APPBP2: variants seen among roughly 807,000 people sequenced by gnomAD.
APPBP2 encodes amyloid protein-binding protein 2.
Under a neutral mutation model 76.0 loss-of-function variants are expected in APPBP2, and 15 were observed. The ratio of observed to expected loss-of-function variants is 0.20; its 90% CI spans 0.13 to 0.30. The LOEUF (loss-of-function observed/expected upper bound fraction) is 0.30, where lower values mean the gene tolerates loss of function less well. Ranked by LOEUF, APPBP2 falls within the 10% of genes least tolerant of loss-of-function variation. The probability of loss-of-function intolerance (pLI) is 1.00; values close to 1 mark genes in which losing one functional copy is unlikely to be tolerated. For synonymous variants in APPBP2, 222 were observed against 242.2 expected (o/e 0.92, Z 0.77); for missense variants, 401 against 687.2 (o/e 0.58, Z 4.66).
At chr17:60,492,971 G>A (rs910459905) in intron 3 of APPBP2, among the ~76,000 whole-genome samples, 3 of 152,250 alleles carry the variant, frequency 2.0e-5, no homozygotes, top group East Asian at 1.9e-4. Flanking sequence ...TAATTCCCAC[G>A]TGTTGTGGGA....
chr17:60,519,129 A>AT (rs538765568), intron 1 of APPBP2, among the ~76,000 whole-genome samples: 12,328 of 147,114 alleles, frequency 0.084, 1,642 homozygotes, highest in African/African-American at 0.29. Flanking sequence ...ACCTGAATAA[A>AT]TTTTTTTTTT....
intron 1 of APPBP2, among the ~76,000 whole-genome samples, chr17:60,519,390 T>C (rs73330240): frequency 6.6e-6 from 1 of 151,922 alleles, no homozygotes; most frequent in Non-Finnish European, 1.5e-5. Context: ...GAAGACTGCT[T>C]GAGGCTAAGG....
intron 4 of APPBP2, among the ~76,000 whole-genome samples, chr17:60,474,140 G>A (rs1015888583): frequency 1.3e-5 from 2 of 151,486 alleles, no homozygotes; most frequent in East Asian, 1.9e-4. Flanking sequence ...ATGACCTCCA[G>A]AATAATTCTA....
intron 4 of APPBP2, among the ~76,000 whole-genome samples, chr17:60,476,212 T>G (rs2143370324): frequency 6.6e-6 from 1 of 152,366 alleles, no homozygotes; most frequent in Middle Eastern, 3.4e-3. Context: ...AACTACTTTC[T>G]ATTAAGAAAG....
rs1598381421 is a variant in APPBP2, at chr17:60,525,653, T to C, written c.138+141A>G. 1.1e-5 allele frequency: 15 copies of C among 1,319,018 alleles called. No homozygotes were observed. The South Asian group carries it at 2.0e-4, about 17-fold the overall frequency. The allele number at this position is 1,319,018 out of a possible 1,614,324, so 81.7% of individuals were successfully genotyped here. Reference sequence around the variant, plus strand: ...AGATGGGGTGCTTCTCCACTGGCAATGCAGACACCGCACCAGACGTTTCGG... The same window carrying C: ...AGATGGGGTGCTTCTCCACTGGCAACGCAGACACCGCACCAGACGTTTCGG... On this transcript the variant is annotated intron_variant, in intron 1 of 12. Transcript: ENST00000083182.
At chr17:60,511,353 G>C (rs1196598582) in intron 1 of APPBP2, among the ~76,000 whole-genome samples, 1 of 152,084 alleles carries the variant, frequency 6.6e-6, no homozygotes, top group African/African-American at 2.4e-5. Context: ...CTGGGAAGCC[G>C]AGGTGGGTGG....
At chr17:60,478,098 G>C (rs1357243938) in intron 4 of APPBP2, among the ~76,000 whole-genome samples, 1 of 151,914 alleles carries the variant, frequency 6.6e-6, no homozygotes, top group African/African-American at 2.4e-5. Context: ...AAAATACCTA[G>C]GAAATATGAA....
chr17:60,501,489 C>T (rs547538458), intron 1 of APPBP2, among the ~76,000 whole-genome samples: 1 of 152,110 alleles, frequency 6.6e-6, no homozygotes, highest in African/African-American at 2.4e-5. Flanking sequence ...CTCTGCCTCC[C>T]GGGTTCAAGC....
intron 1 of APPBP2, chr17:60,513,122 G>A (rs1008293463): frequency 7.5e-6 from 2 of 266,602 alleles, no homozygotes; most frequent in East Asian, 9.8e-5. Context: ...GAAACCCAGC[G>A]AGCTCGGAAG....
chr17:60,456,449 C>T, intron 9 of APPBP2, 68 bp from the exon 10 acceptor site: 1 of 1,006,804 alleles, frequency 9.9e-7, no homozygotes, highest in Middle Eastern at 2.1e-4. Context: ...TTTTAAAAAT[C>T]ACAATCTGTA....
intron 4 of APPBP2, 74 bp downstream of exon 4, chr17:60,479,074 C>T (rs1203493884): frequency 6.9e-7 from 1 of 1,444,778 alleles, no homozygotes; most frequent in Middle Eastern, 1.8e-4. Context: ...TTGGCATATA[C>T]TTATAAGAGC....
At chr17:60,506,780 G>A (rs574898702) in intron 1 of APPBP2, among the ~76,000 whole-genome samples, 6 of 152,308 alleles carry the variant, frequency 3.9e-5, no homozygotes, top group South Asian at 2.1e-4. Flanking sequence ...GCTCGCGCCT[G>A]TAATGCCAGC....
intron 1 of APPBP2, among the ~76,000 whole-genome samples, chr17:60,508,058 C>T (rs556553309): frequency 1.3e-5 from 2 of 151,874 alleles, no homozygotes; most frequent in African/African-American, 2.4e-5. Flanking sequence ...CTGCAGCCTC[C>T]GCTTCCTGGG....
rs550422917 is a variant in APPBP2 at position 60,514,543 on chromosome 17, T to C, written c.138+11251A>G. ...TACTTGCTCTATGTTCTGGCATCTC[T>C]AGTATACATAGAATACTCATTCTTT... is the stretch of plus-strand genomic sequence containing the variant. On this transcript the variant is annotated intron_variant, in intron 1 of 12. Coordinates refer to ENST00000083182, the MANE Select transcript of APPBP2 (RefSeq NM_006380.5). Among the ~76,000 whole-genome samples the C allele has an allele frequency of 3.9e-5, 6 of 152,378 alleles. No homozygotes were observed. In the South Asian group the frequency reaches 1.0e-3, roughly 26 times the overall value.
intron 1 of APPBP2, among the ~76,000 whole-genome samples, chr17:60,520,854 AC>A (rs1411592324): frequency 1.3e-5 from 2 of 152,036 alleles, no homozygotes; most frequent in Non-Finnish European, 2.9e-5. Context: ...GAGCTACCAC[AC>A]CTGGCCATAA....
chr17:60,472,370 T>C (rs1708200124), intron 4 of APPBP2, among the ~76,000 whole-genome samples: 1 of 152,174 alleles, frequency 6.6e-6, no homozygotes, highest in African/African-American at 2.4e-5. Flanking sequence ...TTCTATTTCT[T>C]CTTGGGGCAT....
intron 2 of APPBP2, chr17:60,496,450 T>G (rs1212712639): frequency 6.6e-6 from 1 of 152,172 alleles, no homozygotes; most frequent in Non-Finnish European, 1.5e-5. Flanking sequence ...ACCTAAGAGA[T>G]GAAAAAGAGG....
At chr17:60,502,758 GGA>G (rs761383507) in intron 1 of APPBP2, among the ~76,000 whole-genome samples, 71 of 145,838 alleles carry the variant, frequency 4.9e-4, no homozygotes, top group Non-Finnish European at 9.6e-4. Context: ...CGGGAGGCTG[GGA>G]GAGAATCGCT....
chr17:60,466,445 C>T lies in APPBP2; in HGVS notation c.518G>A (p.Arg173Gln). Residue 173 changes from arginine to glutamine, a missense_variant, in exon 5 of 13, where the codon CGA (arginine) becomes CAA (glutamine). Arg to Gln is a conservative substitution (Grantham distance 43). Transcript: ENST00000083182. Reference protein sequence around the residue: ...VECCVRLLHVRNGNCKYHLGE... With the variant: ...VECCVRLLHVQNGNCKYHLGE... ...CAAATGATATTTGCAGTTTCCATTTCGCACATGAAGCAACCTATAAAACAC... is the reference window on the plus strand; with the variant it reads ...CAAATGATATTTGCAGTTTCCATTTTGCACATGAAGCAACCTATAAAACAC... 2 of 1,612,310 alleles carry T rather than the reference C, an allele frequency of 1.2e-6. No individual in the cohort carries two copies. Among genetic ancestry groups the T allele is most frequent in the Admixed American group, 1.7e-5 (1 of 60,000 alleles).
Sources: gnomAD v4.1 joint callset for allele counts (sites outside exome capture counted in the v4.1 genomes callset) on GRCh38, gnomAD v4.1.1 for gene constraint, MANE v1.5 for transcripts, NCBI Gene and HGNC (gene_info 2026-07-23, HGNC 2026-07-21) for gene names.